CAPN14: variants seen among roughly 807,000 people sequenced by gnomAD.
CAPN14 encodes calpain-14.
CAPN14 carries 94 observed loss-of-function variants against 101.3 expected under a neutral mutation model. That is an observed-to-expected ratio of 0.93 (90% CI 0.79 to 1.10). The LOEUF is 1.10. Ranked by LOEUF, CAPN14 falls within the 50% of genes least tolerant of loss-of-function variation. CAPN14 has a pLI of 0.00. For missense variants in CAPN14, 837 were observed against 828.4 expected (o/e 1.01, Z -0.13); for synonymous variants, 338 against 317.9 (o/e 1.06, Z -0.67).
At chr2:31,208,002 G>T (rs1682190132) in intron 1 of CAPN14, among the ~76,000 whole-genome samples, 1 of 152,046 alleles carries the variant, frequency 6.6e-6, no homozygotes, top group Non-Finnish European at 1.5e-5. Context: ...AATGTTGTTT[G>T]TCTCACACCC....
At chr2:31,214,439 G>T (rs1558635369) in intron 1 of CAPN14, among the ~76,000 whole-genome samples, 2 of 152,256 alleles carry the variant, frequency 1.3e-5, no homozygotes, top group East Asian at 3.9e-4. Context: ...TCCTTTCCTG[G>T]GTGGTATGTG....
At chr2:31,223,091 C>A (rs1270911963) in intron 2 of CAPN14, among the ~76,000 whole-genome samples, 1 of 152,206 alleles carries the variant, frequency 6.6e-6, no homozygotes. Flanking sequence ...ACCTCCAGAG[C>A]AGCCAGAAAT....
chr2:31,183,660 T>A (rs1371533802), intron 16 of CAPN14, among the ~76,000 whole-genome samples: 2 of 152,188 alleles, frequency 1.3e-5, no homozygotes, highest in African/African-American at 2.4e-5. Flanking sequence ...CCAGTTAGAA[T>A]GGCAATCATT....
chr2:31,197,938 G>A (rs766440816), intron 7 of CAPN14, among the ~76,000 whole-genome samples: 13 of 152,148 alleles, frequency 8.5e-5, no homozygotes, highest in South Asian at 2.1e-4. Flanking sequence ...TCAGGCCTTC[G>A]GAACTGAGAA....
Position 31,192,104 on chromosome 2 carries a change from G to A in CAPN14, c.1115-6C>T. ...CGGGTTCTTCCAAAATGTGTCTGGA[G>A]CAGAACACAGCAAGGTGAGAATGGG... On this transcript the variant is annotated splice_region_variant and splice_polypyrimidine_tract_variant and intron_variant, in intron 10 of 21. Transcript: ENST00000403897. The A allele has an allele frequency of 1.3e-6, 2 of 1,539,524 alleles. No individual in the cohort carries two copies. The highest frequency in any genetic ancestry group is 2.4e-5 in the South Asian group (2 of 82,732).
At chr2:31,212,202 C>G (rs1286286975) in intron 1 of CAPN14, among the ~76,000 whole-genome samples, 6 of 151,590 alleles carry the variant, frequency 4.0e-5, no homozygotes, top group Non-Finnish European at 8.8e-5. Context: ...CCCAGCTACT[C>G]AGGAGACCAA....
At chr2:31,177,636 A>C (rs13421721) in intron 19 of CAPN14, 110 bp downstream of exon 19, 225,563 of 770,336 alleles carry the variant, frequency 0.29, 38,428 homozygotes, top group African/African-American at 0.64. Flanking sequence ...CTTTGAGAGT[A>C]ACACTGCGTA....
chr2:31,221,945 C>A (rs545163394), upstream of CAPN14, among the ~76,000 whole-genome samples: 6 of 152,314 alleles, frequency 3.9e-5, no homozygotes, highest in South Asian at 1.2e-3. Context: ...TTTTCACACA[C>A]AACCCTCTGA....
chr2:31,186,001 C>T (rs1009478967), intron 16 of CAPN14, among the ~76,000 whole-genome samples: 1 of 152,144 alleles, frequency 6.6e-6, no homozygotes, highest in Non-Finnish European at 1.5e-5. Context: ...CTCTCTCCTT[C>T]CAGAGTTTTG....
intron 1 of CAPN14, among the ~76,000 whole-genome samples, chr2:31,211,667 A>ACG (rs1682408293): frequency 1.1e-5 from 1 of 87,914 alleles, no homozygotes. Context: ...GCACGTGTGC[A>ACG]TGTGCACACA....
At chr2:31,202,996 T>A in intron 3 of CAPN14, 74 bp downstream of exon 3, 1 of 1,306,644 alleles carries the variant, frequency 7.7e-7, no homozygotes, top group Non-Finnish European at 1.1e-6. Flanking sequence ...CTCTTCTTTA[T>A]CAACCACTCT....
intron 16 of CAPN14, among the ~76,000 whole-genome samples, chr2:31,185,782 T>C (rs1462473821): frequency 1.3e-5 from 2 of 152,244 alleles, no homozygotes; most frequent in African/African-American, 4.8e-5. Context: ...ATCATCTAAC[T>C]TTGGCAGCAA....
intron 1 of CAPN14, among the ~76,000 whole-genome samples, chr2:31,231,672 G>C (rs1329551056): frequency 6.6e-6 from 1 of 152,190 alleles, no homozygotes; most frequent in Non-Finnish European, 1.5e-5. Context: ...GTAGACAATG[G>C]CATGGCCGTA....
chr2:31,187,917 A>T (rs376236963), intron 14 of CAPN14, 103 bp from the exon 15 acceptor site: 1 of 922,228 alleles, frequency 1.1e-6, no homozygotes, highest in African/African-American at 1.7e-5. Flanking sequence ...GAAATCCATG[A>T]GCTTGACTTT....
chr2:31,207,897 A>G (rs1372288017), intron 1 of CAPN14, among the ~76,000 whole-genome samples: 1 of 152,180 alleles, frequency 6.6e-6, no homozygotes, highest in East Asian at 1.9e-4. Flanking sequence ...CAGTTGGTGG[A>G]GTGGCCCCAC....
chr2:31,219,051 T>C (rs1344374966), upstream of CAPN14, among the ~76,000 whole-genome samples: 1 of 152,122 alleles, frequency 6.6e-6, no homozygotes, highest in Admixed American at 6.5e-5. Context: ...CTATTCATCA[T>C]CTTTTCAGGG....
At chr2:31,189,215 C>T (rs2148679409) in intron 13 of CAPN14, 58 bp downstream of exon 13, 1 of 1,479,966 alleles carries the variant, frequency 6.8e-7, no homozygotes, top group Admixed American at 2.0e-5. Flanking sequence ...ACCTTGCCCT[C>T]CTTGCCTGTC....
chr2:31,198,198 A>AATGC (rs1681566054), intron 7 of CAPN14, among the ~76,000 whole-genome samples: 1 of 152,228 alleles, frequency 6.6e-6, no homozygotes, highest in East Asian at 1.9e-4. Context: ...AGACTAACAG[A>AATGC]AACTTGAAAG....
chr2:31,202,243 C>A lies in CAPN14; in HGVS notation c.305G>T (p.Trp102Leu), dbSNP rs1380733263. 37 of 1,551,384 alleles carry A rather than the reference C, an allele frequency of 2.4e-5. No homozygotes were observed. Among genetic ancestry groups the A allele is most frequent in the Non-Finnish European group, 3.1e-5 (36 of 1,146,792 alleles). The change falls in exon 4 of 22, where the codon TGG becomes TTG. Residue 102 changes from tryptophan (W) to leucine (L), a missense_variant. Coordinates refer to ENST00000403897, the MANE Select transcript of CAPN14 (RefSeq NM_001145122.2). ...DLCQGIVGDC[W>L]FLAALQALAL... ...CAGAGCTTGCAAAGCAGCCAAGAACCAGCAGTCTCCTAAGTCAGACAGCAC... is the reference window on the plus strand; with the variant it reads ...CAGAGCTTGCAAAGCAGCCAAGAACAAGCAGTCTCCTAAGTCAGACAGCAC...
Sources: allele counts gnomAD v4.1 joint callset (sites outside exome capture counted in the v4.1 genomes callset), GRCh38; gene constraint gnomAD v4.1.1; transcripts MANE v1.5; gene names NCBI Gene and HGNC (gene_info 2026-07-23, HGNC 2026-07-21).